Variants in KCND2 observed in about 807,000 individuals in gnomAD.
KCND2 encodes the protein A-type voltage-gated potassium channel KCND2.
A neutral mutation model predicts 54.4 loss-of-function variants in KCND2; 16 were observed. The observed-to-expected ratio is 0.29, with a 90% CI of 0.20 to 0.45. The LOEUF (loss-of-function observed/expected upper bound fraction) is 0.45. Ranked by LOEUF, KCND2 falls within the 20% of genes least tolerant of loss-of-function variation. The pLI is 1.00. For synonymous variants in KCND2, 317 were observed against 310.7 expected, an observed-to-expected ratio of 1.02 and a Z score of -0.21; for missense variants, 486 against 824.2, an observed-to-expected ratio of 0.59 and a Z score of 5.02.
chr7:120,544,684 A>G (rs1244847787), intron 1 of KCND2, among the ~76,000 whole-genome samples: 1 of 151,926 alleles, frequency 6.6e-6, no homozygotes, highest in African/African-American at 2.4e-5. Flanking sequence ...TTCTCATGGC[A>G]TATTTTGCTC....
intron 1 of KCND2, among the ~76,000 whole-genome samples, chr7:120,345,940 T>G (rs368707470): frequency 2.6e-5 from 4 of 152,198 alleles, no homozygotes; most frequent in African/African-American, 9.7e-5. Context: ...TCCATAATGA[T>G]TGCACCATTT....
rs1292508626 is a variant in KCND2 at position 120,478,605 on chromosome 7, AG to A, written c.1115+202859del. The stretch of plus-strand genomic sequence containing the variant: ...TATGAAAAATGAAGAACTTTTTTAA[AG>A]ATTTAAACCTCTAACAGGTGGAGAT... On this transcript the variant is annotated intron_variant, in intron 1 of 5. Transcript: ENST00000331113. Among the ~76,000 whole-genome samples, 1,183 of 152,258 alleles carry A rather than the reference AG, an allele frequency of 7.8e-3. 18 individuals carry two copies. Among genetic ancestry groups the A allele is most frequent in the African/African-American group, 0.027 (1,125 of 41,558 alleles).
At chr7:120,320,758 A>G (rs950450265) in intron 1 of KCND2, among the ~76,000 whole-genome samples, 2 of 152,166 alleles carry the variant, frequency 1.3e-5, no homozygotes, top group Non-Finnish European at 2.9e-5. Flanking sequence ...CTAAGTGGAA[A>G]TAGGATTTAG....
chr7:120,645,413 T>A (rs899254730), intron 1 of KCND2, among the ~76,000 whole-genome samples: 6 of 152,192 alleles, frequency 3.9e-5, no homozygotes, highest in Non-Finnish European at 8.8e-5. Flanking sequence ...CTGTGTCCCA[T>A]GGCTGGCCAT....
At chr7:120,638,123 T>C (rs1196189993) in intron 1 of KCND2, among the ~76,000 whole-genome samples, 3 of 152,156 alleles carry the variant, frequency 2.0e-5, no homozygotes, top group Non-Finnish European at 4.4e-5. Flanking sequence ...AATTTGGGAT[T>C]AGGATCTTCC....
Position 120,347,935 on chromosome 7 carries a change from T to A in KCND2, c.1115+72188T>A, listed in dbSNP as rs1030436595. ...GAGGGACCTCTTCCAGGTTTCAGACTGCTTAAATCCTAGTGCATCATCACA... is the reference window on the plus strand; with the variant it reads ...GAGGGACCTCTTCCAGGTTTCAGACAGCTTAAATCCTAGTGCATCATCACA... On this transcript the variant is annotated intron_variant, in intron 1 of 5. Transcript: ENST00000331113. 9.2e-5 allele frequency among the ~76,000 whole-genome samples: 14 copies of A among 152,162 alleles called. 1 individual carries two copies. The highest frequency in any genetic ancestry group is 2.9e-5 in the Non-Finnish European group (2 of 68,022).
chr7:120,709,627 A>G lies in KCND2; in HGVS notation c.1116-23276A>G, dbSNP rs565651300. On this transcript the variant is annotated intron_variant, in intron 1 of 5. Coordinates refer to ENST00000331113, the MANE Select transcript of KCND2 (RefSeq NM_012281.3). Reference sequence around the variant, plus strand: ...GTTAAGAAAGGAAAGTAACAGGAGTAAGAAAACATGTGTTAAGGGTACCTT... The same window carrying G: ...GTTAAGAAAGGAAAGTAACAGGAGTGAGAAAACATGTGTTAAGGGTACCTT... Among the ~76,000 whole-genome samples the G allele has an allele frequency of 5.3e-5, 8 of 152,322 alleles. No individual in the cohort carries two copies. The East Asian group carries it at 1.5e-3, about 29-fold the overall frequency.
intron 1 of KCND2, among the ~76,000 whole-genome samples, chr7:120,470,063 AG>A (rs1315776183): frequency 3.9e-5 from 6 of 152,098 alleles, no homozygotes; most frequent in African/African-American, 1.4e-4. Context: ...TCACTTGCTT[AG>A]TACTGAGCAT....
chr7:120,422,066 GA>G (rs1392714369), intron 1 of KCND2, among the ~76,000 whole-genome samples: 2 of 152,068 alleles, frequency 1.3e-5, no homozygotes, highest in Non-Finnish European at 2.9e-5. Flanking sequence ...TGCTAAATAT[GA>G]AAAAAGGAGT....
At chr7:120,642,456 G>A (rs1217248007) in intron 1 of KCND2, among the ~76,000 whole-genome samples, 1 of 151,158 alleles carries the variant, frequency 6.6e-6, no homozygotes, top group East Asian at 1.9e-4. Context: ...CATCTACCCA[G>A]GAGGTTAAGG....
intron 1 of KCND2, among the ~76,000 whole-genome samples, chr7:120,712,613 A>G (rs1293875788): frequency 2.0e-5 from 3 of 152,144 alleles, no homozygotes; most frequent in East Asian, 1.9e-4. Context: ...ACAAATGAAT[A>G]AAAGACTAAT....
intron 1 of KCND2, among the ~76,000 whole-genome samples, chr7:120,706,957 A>G (rs1462014658): frequency 6.6e-6 from 1 of 152,142 alleles, no homozygotes; most frequent in African/African-American, 2.4e-5. Flanking sequence ...ATTTTGTCTA[A>G]TTGATAGTTG....
intron 1 of KCND2, among the ~76,000 whole-genome samples, chr7:120,723,630 T>C (rs2116112809): frequency 6.6e-6 from 1 of 152,258 alleles, no homozygotes; most frequent in South Asian, 2.1e-4. Flanking sequence ...AGGCTGAAGG[T>C]TCCCTTGAGT....
intron 1 of KCND2, among the ~76,000 whole-genome samples, chr7:120,362,336 G>T (rs771981007): frequency 2.0e-5 from 3 of 152,044 alleles, no homozygotes; most frequent in Non-Finnish European, 4.4e-5. Flanking sequence ...TCTTACTGGT[G>T]TAAATAATCT....
chr7:120,693,752 C>G (rs1413101831), intron 1 of KCND2, among the ~76,000 whole-genome samples: 1 of 152,156 alleles, frequency 6.6e-6, no homozygotes, highest in African/African-American at 2.4e-5. Flanking sequence ...GTTGCAGTCA[C>G]AGCACTGGCA....
intron 1 of KCND2, among the ~76,000 whole-genome samples, chr7:120,400,122 G>A (rs746323444): frequency 2.0e-5 from 3 of 151,968 alleles, no homozygotes; most frequent in Admixed American, 6.6e-5. Flanking sequence ...AATGCCTTAC[G>A]GAACAGCAGC....
chr7:120,567,731 T>A (rs1584831683), intron 1 of KCND2, among the ~76,000 whole-genome samples: 1 of 152,144 alleles, frequency 6.6e-6, no homozygotes, highest in South Asian at 2.1e-4. Flanking sequence ...TGTATTTTTT[T>A]ATTAAGATTT....
intron 1 of KCND2, among the ~76,000 whole-genome samples, chr7:120,326,693 A>G: frequency 6.6e-6 from 1 of 152,122 alleles, no homozygotes; most frequent in Non-Finnish European, 1.5e-5. Context: ...TGTTCTGCAA[A>G]TATGTATGGA....
At chr7:120,482,716 T>C (rs1802624474) in intron 1 of KCND2, among the ~76,000 whole-genome samples, 1 of 152,156 alleles carries the variant, frequency 6.6e-6, no homozygotes, top group Non-Finnish European at 1.5e-5. Flanking sequence ...GGCACCATGC[T>C]CTTGGATCTC....
Sources: allele counts gnomAD v4.1 joint callset (sites outside exome capture counted in the v4.1 genomes callset), GRCh38; gene constraint gnomAD v4.1.1; transcripts MANE v1.5; gene names NCBI Gene and HGNC (gene_info 2026-07-23, HGNC 2026-07-21).